The following G6PC2 variants were observed in gnomAD, a reference collection of about 807,000 sequenced individuals.
The protein encoded by G6PC2 is glucose-6-phosphatase 2.
A neutral mutation model predicts 35.4 loss-of-function variants in G6PC2; 41 were observed. That is an observed-to-expected ratio of 1.16 (90% CI 0.90 to 1.50). The LOEUF is 1.50. Ranked by LOEUF, G6PC2 falls within the 40% of genes most tolerant of loss-of-function variation. The pLI, the probability that G6PC2 is intolerant of heterozygous loss-of-function variation, is 0.00. For missense variants in G6PC2, 441 were observed against 426.5 expected (o/e 1.03, Z -0.30); for synonymous variants, 165 against 153.2 (o/e 1.08, Z -0.57).
Position 168,907,722 on chromosome 2 carries a change from C to T in G6PC2, c.711C>T (p.Pro237=), listed in dbSNP as rs1326886369. The T allele has an allele frequency of 6.2e-7, 1 of 1,614,110 alleles. No homozygotes were observed. Among genetic ancestry groups the T allele is most frequent in the Non-Finnish European group, 8.5e-7 (1 of 1,180,008 alleles). ...ACATTGACCTGCTGTGGTCCGTGCC[C>T]ATAGCCAAAAAGTGGTGTGCTAACC... ...VLNIDLLWSV[P]IAKKWCANPD... is the part of the protein sequence containing the mutation. The change falls in exon 5 of 5, where the codon CCC becomes CCT. Residue 237 remains proline (P), a synonymous_variant. Coordinates refer to ENST00000375363, the MANE Select transcript of G6PC2 (RefSeq NM_021176.3).
Position 168,901,561 on chromosome 2 carries a change from G to A in G6PC2, c.218+12G>A. ...CTTATATTTAAATGGTAAGATTTCT[G>A]TTTTATTTCATTTTTTCCTAAGATT... On this transcript the variant is annotated intron_variant, in intron 1 of 4. Coordinates refer to ENST00000375363, the MANE Select transcript of G6PC2 (RefSeq NM_021176.3). The A allele has an allele frequency of 7.7e-7, 1 of 1,297,946 alleles. No homozygotes were observed. The highest frequency in any genetic ancestry group is 1.1e-6 in the Non-Finnish European group (1 of 895,054). The allele number at this position is 1,297,946 out of a possible 1,614,324, so 80.4% of individuals were successfully genotyped here. A position where few individuals can be genotyped will look rare whatever the true frequency, so the allele number is the denominator to read the frequency against.
Position 168,908,389 on chromosome 2 carries a change from C to G in G6PC2, c.*310C>G, listed in dbSNP as rs1039925877. The G allele has an allele frequency of 1.1e-5, 5 of 441,168 alleles. No individual in the cohort carries two copies. The highest frequency in any genetic ancestry group is 6.4e-4 in the Middle Eastern group (1 of 1,556). 27.3% of individuals were successfully genotyped at this position (441,168 alleles called of 1,614,324 possible). Reference sequence around the variant, plus strand: ...GGAGACAACTGACCAGAGCTGCATACTAACAGTCCCCAGTAGGAGGCAAGG... The same window carrying G: ...GGAGACAACTGACCAGAGCTGCATAGTAACAGTCCCCAGTAGGAGGCAAGG... On this transcript the variant is annotated 3_prime_UTR_variant, in exon 5 of 5. Transcript: ENST00000375363.
At chr2:168,902,654 G>C (rs1690625639) in intron 2 of G6PC2, 100 bp downstream of exon 2, 2 of 749,086 alleles carry the variant, frequency 2.7e-6, no homozygotes, top group Admixed American at 3.6e-5. Context: ...GGGTAGTAAA[G>C]AAAATCTCAT....
chr2:168,902,554 G>T lies in G6PC2; in HGVS notation c.328G>T (p.Gly110Ter). Residue 110 changes from glycine (G) to a stop codon, truncating the protein, a stop_gained and splice_region_variant, in exon 2 of 5, where the codon GGA becomes TGA. Coordinates refer to ENST00000375363, the MANE Select transcript of G6PC2 (RefSeq NM_021176.3). LOFTEE classifies it high-confidence loss of function. ...QFPTTCETGP[G>*]SPSGHAMGAS... ...CCCTACTACATGTGAAACAGGTCCA[G>T]GTAAGCTATTACAGCAGGCTCCAGT... The T allele has an allele frequency of 7.9e-7, 1 of 1,265,678 alleles. No homozygotes were observed. Among genetic ancestry groups the T allele is most frequent in the Non-Finnish European group, 1.2e-6 (1 of 861,682 alleles). The allele number at this position is 1,265,678 out of a possible 1,614,324, so 78.4% of individuals were successfully genotyped here. A position where few individuals can be genotyped will look rare whatever the true frequency, so the allele number is the denominator to read the frequency against.
rs777162017 is a variant in G6PC2 at position 168,901,441 on chromosome 2, A to G, written c.110A>G (p.Asn37Ser). 48 of 1,595,314 alleles carry G rather than the reference A, an allele frequency of 3.0e-5. No individual in the cohort carries two copies. Residue 37 changes from asparagine (N) to serine (S), a missense_variant, in exon 1 of 5, where the codon AAT becomes AGT. Asn to Ser is a conservative substitution (Grantham distance 46). Transcript: ENST00000375363. ...ATGTCCAATGTTGGAGACCCCAGGAATATCTTTTTCATTTATTTTCCACTT... is the reference window on the plus strand; with the variant it reads ...ATGTCCAATGTTGGAGACCCCAGGAGTATCTTTTTCATTTATTTTCCACTT... ...NFMSNVGDPR[N>S]IFFIYFPLCF...
In G6PC2 at chr2:168,904,503, A is replaced by G. The variant is rs746562743; in HGVS notation, c.329-2A>G. ...AAATGGACGGACACTTTGTTGTTGC[A>G]GGAAGTCCATCTGGCCATGCAATGG... On this transcript the variant is annotated splice_acceptor_variant, in intron 2 of 4. Coordinates refer to ENST00000375363, the MANE Select transcript of G6PC2 (RefSeq NM_021176.3). LOFTEE classifies it high-confidence loss of function. 7 of 1,539,410 alleles carry G rather than the reference A, an allele frequency of 4.5e-6. No individual in the cohort carries two copies. The highest frequency in any genetic ancestry group is 3.4e-4 in the Middle Eastern group (2 of 5,948).
Position 168,909,340 on chromosome 2 carries a change from T to G in G6PC2, c.*1261T>G, listed in dbSNP as rs1690800072. On this transcript the variant is annotated 3_prime_UTR_variant, in exon 5 of 5. Coordinates refer to ENST00000375363, the MANE Select transcript of G6PC2 (RefSeq NM_021176.3). ...ATAAATTCTACTGAACTTACTCTAATAGAACATTATTCAACCCCCAAAGAC... is the reference window on the plus strand; with the variant it reads ...ATAAATTCTACTGAACTTACTCTAAGAGAACATTATTCAACCCCCAAAGAC... 6.6e-6 allele frequency: 1 copy of G among 152,182 alleles called. No homozygotes were observed. The highest frequency in any genetic ancestry group is 1.5e-5 in the Non-Finnish European group (1 of 68,028). 9.4% of individuals were successfully genotyped at this position (152,182 alleles called of 1,614,324 possible).
intron 3 of G6PC2, among the ~76,000 whole-genome samples, chr2:168,906,204 CT>C (rs1690706772): frequency 6.6e-6 from 1 of 151,482 alleles, no homozygotes; most frequent in Admixed American, 6.6e-5. Context: ...TGCTCATGCG[CT>C]TTTCATCTGG....
In G6PC2 at chr2:168,902,517, C is replaced by A; in HGVS notation, c.291C>A (p.Cys97Ter). The change falls in exon 2 of 5, where the codon TGC (cysteine) becomes TGA (stop). Residue 97 changes from cysteine (C) to a stop codon, truncating the protein, a stop_gained. Coordinates refer to ENST00000375363, the MANE Select transcript of G6PC2 (RefSeq NM_021176.3). LOFTEE classifies it high-confidence loss of function. The part of the protein sequence containing the change: ...TQIYPNHSSP[C>*]LEQFPTTCET... ...TTTACCCAAATCACTCAAGTCCATGCCTTGAACAGTTCCCTACTACATGTG... is the reference window on the plus strand; with the variant it reads ...TTTACCCAAATCACTCAAGTCCATGACTTGAACAGTTCCCTACTACATGTG... The A allele has an allele frequency of 1.9e-6, 3 of 1,571,580 alleles. No individual in the cohort carries two copies. Among genetic ancestry groups the A allele is most frequent in the Non-Finnish European group, 2.6e-6 (3 of 1,141,218 alleles).
In G6PC2 at chr2:168,907,693, C is replaced by T. The variant is rs182708685; in HGVS notation, c.682C>T (p.Leu228Phe). 6 of 1,614,092 alleles carry T rather than the reference C, an allele frequency of 3.7e-6. No individual in the cohort carries two copies. The East Asian group carries it at 1.3e-4, about 36-fold the overall frequency. Residue 228 changes from leucine to phenylalanine, a missense_variant, in exon 5 of 5, where the codon CTC (leucine) becomes TTC (phenylalanine). By Grantham distance (22) the Leu-to-Phe change is conservative. Transcript: ENST00000375363. Reference sequence around the variant, plus strand: ...TGGCTTTTACCTGCTTCTTAGGGTGCTCAACATTGACCTGCTGTGGTCCGT... The same window carrying T: ...TGGCTTTTACCTGCTTCTTAGGGTGTTCAACATTGACCTGCTGTGGTCCGT... ...AVGFYLLLRV[L>F]NIDLLWSVPI...
intron 2 of G6PC2, among the ~76,000 whole-genome samples, chr2:168,903,878 G>A (rs529098112): frequency 5.3e-5 from 8 of 152,192 alleles, no homozygotes; most frequent in African/African-American, 1.7e-4. Context: ...GATTAATGCC[G>A]TCTTTATAGC....
At position 168,906,752 on chromosome 2, in the gene G6PC2, C is replaced by T. The variant is rs138726309; in HGVS notation, c.529C>T (p.His177Tyr). 4,179 of 1,580,142 alleles carry T rather than the reference C, an allele frequency of 2.6e-3. 17 individuals carry two copies. Among genetic ancestry groups the T allele is most frequent in the Non-Finnish European group, 2.9e-3 (3,321 of 1,149,022 alleles). The change falls in exon 4 of 5, where the codon CAT (histidine) becomes TAT (tyrosine). Residue 177 changes from histidine to tyrosine, a missense_variant. By Grantham distance (83) the His-to-Tyr change is moderately conservative (BLOSUM62 2). Coordinates refer to ENST00000375363, the MANE Select transcript of G6PC2 (RefSeq NM_021176.3). ...SRVFIATHFP[H>Y]QVILGVIGGM... ...AGTATTCATAGCAACACATTTTCCTCATCAAGTTATTCTTGGAGTAATTGG... is the reference window on the plus strand; with the variant it reads ...AGTATTCATAGCAACACATTTTCCTTATCAAGTTATTCTTGGAGTAATTGG...
rs963208127 is a variant in G6PC2, at chr2:168,908,915, C to T, written c.*836C>T. On this transcript the variant is annotated 3_prime_UTR_variant, in exon 5 of 5. Coordinates refer to ENST00000375363, the MANE Select transcript of G6PC2 (RefSeq NM_021176.3). ...TATATTTGCCCAGGCTGGTCTTGAA[C>T]TCCTGGCCTCAAGGAGTTCCCTTGA... 6.6e-6 allele frequency: 1 copy of T among 152,230 alleles called. No individual in the cohort carries two copies. Among genetic ancestry groups the T allele is most frequent in the Non-Finnish European group, 1.5e-5 (1 of 68,106 alleles). 9.4% of individuals were successfully genotyped at this position (152,230 alleles called of 1,614,324 possible).
intron 3 of G6PC2, among the ~76,000 whole-genome samples, chr2:168,906,336 C>G (rs999507465): frequency 7.2e-5 from 11 of 152,050 alleles, no homozygotes; most frequent in African/African-American, 2.7e-4. Context: ...ATTAGTAATT[C>G]CCCCAAACTT....
At position 168,904,743 on chromosome 2, in the gene G6PC2, A is replaced by G. The variant is rs1200978193; in HGVS notation, c.440+127A>G. 5 of 708,666 alleles carry G rather than the reference A, an allele frequency of 7.1e-6. 1 individual carries two copies. Among genetic ancestry groups the G allele is most frequent in the African/African-American group, 3.5e-5 (2 of 57,098 alleles). The allele number at this position is 708,666 out of a possible 1,614,324, so 43.9% of individuals were successfully genotyped here. The stretch of plus-strand genomic sequence containing the variant: ...AAATGTGCTTATTCTATTCTTTCAT[A>G]GACAAAATAACAAAATGAATAGAAA... On this transcript the variant is annotated intron_variant, in intron 3 of 4. Coordinates refer to ENST00000375363, the MANE Select transcript of G6PC2 (RefSeq NM_021176.3).
At chr2:168,901,625 T>A (rs971798973) in intron 1 of G6PC2, 76 bp downstream of exon 1, 1 of 775,358 alleles carries the variant, frequency 1.3e-6, no homozygotes, top group African/African-American at 1.7e-5. Flanking sequence ...TGATCACATT[T>A]CAGATGTATA....
At position 168,908,182 on chromosome 2, in the gene G6PC2, C is replaced by A. The variant is rs142220775; in HGVS notation, c.*103C>A. On this transcript the variant is annotated 3_prime_UTR_variant, in exon 5 of 5. Transcript: ENST00000375363. ...ACCAGAGGCTTCTAATCCGACTTCACAGAATAGCGGCACAGGCCCCATTCC... is the reference window on the plus strand; with the variant it reads ...ACCAGAGGCTTCTAATCCGACTTCAAAGAATAGCGGCACAGGCCCCATTCC... 9.3e-4 allele frequency: 904 copies of A among 971,954 alleles called. 4 individuals carry two copies. The African/African-American group carries it at 0.013, about 14-fold the overall frequency. 60.2% of individuals were successfully genotyped at this position (971,954 alleles called of 1,614,324 possible).
rs1053465349 is a variant in G6PC2 at position 168,909,575 on chromosome 2, A to G, written c.*1496A>G. On this transcript the variant is annotated 3_prime_UTR_variant, in exon 5 of 5. Coordinates refer to ENST00000375363, the MANE Select transcript of G6PC2 (RefSeq NM_021176.3). Reference sequence around the variant, plus strand: ...GAAAATTATTGTTGATGGACTATTAATATTATATTAACAATTTCTCAGTAA... The same window carrying G: ...GAAAATTATTGTTGATGGACTATTAGTATTATATTAACAATTTCTCAGTAA... 6.6e-6 allele frequency: 1 copy of G among 152,170 alleles called. No individual in the cohort carries two copies. The highest frequency in any genetic ancestry group is 2.4e-5 in the African/African-American group (1 of 41,436). 9.4% of individuals were successfully genotyped at this position (152,170 alleles called of 1,614,324 possible).
chr2:168,907,086 G>C (rs965808720), intron 4 of G6PC2, among the ~76,000 whole-genome samples: 1 of 152,180 alleles, frequency 6.6e-6, no homozygotes, highest in Non-Finnish European at 1.5e-5. Flanking sequence ...CTTGTGTCTT[G>C]CGTGAGGGAA....
Sources: allele counts gnomAD v4.1 joint callset (sites outside exome capture counted in the v4.1 genomes callset), GRCh38; gene constraint gnomAD v4.1.1; transcripts MANE v1.5; gene names NCBI Gene and HGNC (gene_info 2026-07-23, HGNC 2026-07-21).